Variants in TTLL5 observed in about 807,000 individuals in gnomAD.
TTLL5 encodes the protein tubulin tyrosine ligase like 5, also known as tubulin polyglutamylase TTLL5.
A neutral mutation model predicts 168.4 loss-of-function variants in TTLL5; 132 were observed. The ratio of observed to expected loss-of-function variants is 0.78; its 90% CI spans 0.68 to 0.91. The LOEUF is 0.91. Ranked by LOEUF, TTLL5 falls within the 40% of genes least tolerant of loss-of-function variation. The pLI is 0.00. For synonymous variants in TTLL5, 546 were observed against 558.6 expected, an observed-to-expected ratio of 0.98 and a Z score of 0.32; for missense variants, 1,545 against 1,581.5, an observed-to-expected ratio of 0.98 and a Z score of 0.39.
intron 29 of TTLL5, among the ~76,000 whole-genome samples, chr14:75,878,056 G>A (rs571499297): frequency 5.3e-5 from 8 of 152,208 alleles, no homozygotes; most frequent in South Asian, 2.1e-4. Context: ...TTCATTATCC[G>A]TTCAGTGTAT....
intron 18 of TTLL5, among the ~76,000 whole-genome samples, chr14:75,764,154 C>A (rs1164545024): frequency 6.6e-6 from 1 of 152,122 alleles, no homozygotes; most frequent in Non-Finnish European, 1.5e-5. Flanking sequence ...TGAACCTCTG[C>A]TAAATCCATA....
chr14:75,757,219 C>G (rs886633778), intron 18 of TTLL5, among the ~76,000 whole-genome samples: 2 of 152,184 alleles, frequency 1.3e-5, no homozygotes, highest in Non-Finnish European at 2.9e-5. Flanking sequence ...CTCAGGCAAT[C>G]CCCCTGCTTC....
At chr14:75,792,343 G>A (rs1276545417) in intron 26 of TTLL5, among the ~76,000 whole-genome samples, 1 of 151,346 alleles carries the variant, frequency 6.6e-6, no homozygotes, top group Non-Finnish European at 1.5e-5. Context: ...TGCACGTTGT[G>A]CACATGTACC....
chr14:75,950,647 T>A (rs2034933668), intron 31 of TTLL5, among the ~76,000 whole-genome samples: 1 of 152,216 alleles, frequency 6.6e-6, no homozygotes, highest in Non-Finnish European at 1.5e-5. Flanking sequence ...TTATTTTTTA[T>A]GTATGTTTGA....
chr14:75,768,978 G>A (rs1003460246), intron 20 of TTLL5, among the ~76,000 whole-genome samples: 4 of 152,134 alleles, frequency 2.6e-5, no homozygotes, highest in Non-Finnish European at 5.9e-5. Context: ...TTCCTTTTCT[G>A]TCAATCCAAG....
chr14:75,934,094 C>T, intron 31 of TTLL5, among the ~76,000 whole-genome samples: 1 of 152,216 alleles, frequency 6.6e-6, no homozygotes, highest in East Asian at 1.9e-4. Flanking sequence ...GCTGGCCTCC[C>T]CTGAGCCAGA....
intron 28 of TTLL5, chr14:75,837,211 T>G (rs1365738369): frequency 1.3e-5 from 2 of 152,220 alleles, no homozygotes; most frequent in Non-Finnish European, 2.9e-5. Context: ...AATGAGTTCA[T>G]GCTGGCTGTC....
At chr14:75,761,680 T>A (rs1290916686) in intron 18 of TTLL5, among the ~76,000 whole-genome samples, 4 of 152,166 alleles carry the variant, frequency 2.6e-5, no homozygotes, top group Non-Finnish European at 1.5e-5. Flanking sequence ...TTTAGGACGT[T>A]AGGGAAGGAT....
chr14:75,677,707 T>C (rs1487791718), intron 3 of TTLL5, among the ~76,000 whole-genome samples: 1 of 151,902 alleles, frequency 6.6e-6, no homozygotes, highest in African/African-American at 2.4e-5. Context: ...AACTTTGAAC[T>C]CTTGGGCTCA....
chr14:75,776,108 A>G (rs1402061780), intron 22 of TTLL5, among the ~76,000 whole-genome samples: 2 of 152,232 alleles, frequency 1.3e-5, no homozygotes, highest in Non-Finnish European at 2.9e-5. Flanking sequence ...TTTGCAAAGC[A>G]TTCTATATCC....
At chr14:75,918,766 A>T (rs2033712563) in intron 31 of TTLL5, among the ~76,000 whole-genome samples, 1 of 152,178 alleles carries the variant, frequency 6.6e-6, no homozygotes, top group Non-Finnish European at 1.5e-5. Context: ...TATACTCTTA[A>T]ATTATGGAGA....
intron 29 of TTLL5, among the ~76,000 whole-genome samples, chr14:75,864,618 C>G (rs559339605): frequency 1.3e-5 from 2 of 152,048 alleles, no homozygotes; most frequent in South Asian, 4.1e-4. Context: ...GATGACCTCA[C>G]CGAAAATTCA....
intron 10 of TTLL5, 141 bp downstream of exon 10, chr14:75,718,103 TA>T: frequency 5.5e-6 from 4 of 725,170 alleles, no homozygotes; most frequent in Non-Finnish European, 9.3e-6. Context: ...GTCAGTCATA[TA>T]ACAGTGTTGA....
intron 3 of TTLL5, among the ~76,000 whole-genome samples, chr14:75,677,441 G>A (rs1021267071): frequency 1.4e-5 from 2 of 140,502 alleles, no homozygotes; most frequent in Non-Finnish European, 3.0e-5. Context: ...TGTCACTCAG[G>A]CTGGAGTGCA....
chr14:75,933,571 G>T (rs1342158339), intron 31 of TTLL5, among the ~76,000 whole-genome samples: 6 of 152,224 alleles, frequency 3.9e-5, no homozygotes, highest in African/African-American at 1.4e-4. Flanking sequence ...CAGGCTGTCA[G>T]CTGGGAGCAG....
chr14:75,676,888 C>T (rs1884205350), intron 3 of TTLL5, among the ~76,000 whole-genome samples: 1 of 151,956 alleles, frequency 6.6e-6, no homozygotes, highest in Non-Finnish European at 1.5e-5. Context: ...ACTCTCTTGC[C>T]TCAGCCTCCT....
Position 75,699,263 on chromosome 14 carries a change from T to A in TTLL5, c.578T>A (p.Ile193Asn). Residue 193 changes from isoleucine to asparagine, a missense_variant, in exon 7 of 32, where the codon ATC (isoleucine) becomes AAC (asparagine). Coordinates refer to ENST00000298832, the MANE Select transcript of TTLL5 (RefSeq NM_015072.5). ...TCAAGGGGGCGGGGCGTCTACCTGA[T>A]CAACAATGTAAGTATGCAGCAGATG... is the stretch of plus-strand genomic sequence containing the variant. ...ASSRGRGVYLINNPNQISLEE... is the reference protein window; with the variant it reads ...ASSRGRGVYLNNNPNQISLEE... 1 of 1,613,836 alleles carries A rather than the reference T, an allele frequency of 6.2e-7. No individual in the cohort carries two copies. Among genetic ancestry groups the A allele is most frequent in the Non-Finnish European group, 8.5e-7 (1 of 1,179,818 alleles).
intron 12 of TTLL5, among the ~76,000 whole-genome samples, chr14:75,724,521 A>AT (rs1392082341): frequency 6.6e-6 from 1 of 152,136 alleles, no homozygotes; most frequent in Non-Finnish European, 1.5e-5. Context: ...TTTTTCCTAG[A>AT]TTTGCACATC....
At chr14:75,826,923 A>AAAGATCTCATCTT (rs2307515) in intron 28 of TTLL5, among the ~76,000 whole-genome samples, 2 of 151,988 alleles carry the variant, frequency 1.3e-5, no homozygotes, top group Admixed American at 6.6e-5. Context: ...TCCTTTAACT[A>AAAGATCTCATCTT]ACCCACCTGC....
Sources: allele counts gnomAD v4.1 joint callset (sites outside exome capture counted in the v4.1 genomes callset), GRCh38; gene constraint gnomAD v4.1.1; transcripts MANE v1.5; gene names NCBI Gene and HGNC (gene_info 2026-07-23, HGNC 2026-07-21).